Variants in RBFOX1 observed in about 807,000 individuals in gnomAD.
RBFOX1 encodes RNA binding fox-1 homolog 1, also known as RNA binding protein fox-1 homolog 1.
RBFOX1 carries 8 observed loss-of-function variants against 57.7 expected under a neutral mutation model. That is an observed-to-expected ratio of 0.14 (90% CI 0.08 to 0.25). The LOEUF (loss-of-function observed/expected upper bound fraction) is 0.25. Ranked by LOEUF, RBFOX1 falls within the 10% of genes least tolerant of loss-of-function variation. The pLI, the probability that RBFOX1 is intolerant of heterozygous loss-of-function variation, is 1.00. For missense variants in RBFOX1, 611 were observed against 548.5 expected (o/e 1.11, Z -1.14); for synonymous variants, 326 against 222.4 (o/e 1.47, Z -4.15).
intron 2 of RBFOX1, among the ~76,000 whole-genome samples, chr16:6,343,192 A>G (rs1259105898): frequency 6.6e-6 from 1 of 152,186 alleles, no homozygotes; most frequent in Non-Finnish European, 1.5e-5. Flanking sequence ...ATTCGGGGAA[A>G]AATGGCTTTT....
chr16:5,535,100 A>G (rs567963641), intron 2 of RBFOX1, among the ~76,000 whole-genome samples: 73 of 152,362 alleles, frequency 4.8e-4, no homozygotes, highest in Middle Eastern at 6.8e-3. Context: ...GCATTGACCA[A>G]TACAGTAGCT....
chr16:7,354,428 C>T (rs2097179690), intron 4 of RBFOX1, among the ~76,000 whole-genome samples: 1 of 152,098 alleles, frequency 6.6e-6, no homozygotes, highest in Non-Finnish European at 1.5e-5. Flanking sequence ...GGAAATAAAA[C>T]AGAGGTTGGA....
At chr16:7,591,463 G>C (rs1167443276) in intron 7 of RBFOX1, among the ~76,000 whole-genome samples, 4 of 152,058 alleles carry the variant, frequency 2.6e-5, no homozygotes, top group African/African-American at 9.7e-5. Flanking sequence ...AAATACAAAA[G>C]ATGAAAAAAG....
At chr16:6,607,786 C>G (rs942920845) in intron 2 of RBFOX1, among the ~76,000 whole-genome samples, 2 of 152,138 alleles carry the variant, frequency 1.3e-5, no homozygotes, top group African/African-American at 4.8e-5. Flanking sequence ...ACATAGCTCC[C>G]GAATAATGTT....
chr16:7,552,111 C>A lies in RBFOX1; in HGVS notation c.271-27666C>A, dbSNP rs556700464. 9.2e-4 allele frequency among the ~76,000 whole-genome samples: 140 copies of A among 152,284 alleles called. 1 individual carries two copies. The highest frequency in any genetic ancestry group is 3.2e-3 in the African/African-American group (133 of 41,560). ...TCATTTTATCTCATTCTCTCCACCACCCGTTTTTAATTCCCATGTTGGTAC... is the reference window on the plus strand; with the variant it reads ...TCATTTTATCTCATTCTCTCCACCAACCGTTTTTAATTCCCATGTTGGTAC... On this transcript the variant is annotated intron_variant, in intron 5 of 15. Coordinates refer to ENST00000550418, the MANE Select transcript of RBFOX1 (RefSeq NM_018723.4).
rs972909070 is a variant in RBFOX1 at position 6,955,780 on chromosome 16, A to C, written c.-15-96277A>C. Among the ~76,000 whole-genome samples, 7 of 152,124 alleles carry C rather than the reference A, an allele frequency of 4.6e-5. No individual in the cohort carries two copies. The South Asian group carries it at 1.5e-3, about 32-fold the overall frequency. On this transcript the variant is annotated intron_variant, in intron 3 of 15. Transcript: ENST00000550418. ...GTGCAGTGCCGCTATCTTGGGGCTC[A>C]CTGCAACCTCCATTTCCCTGGTTCA...
At chr16:6,719,190 A>C (rs1343523056) in intron 3 of RBFOX1, among the ~76,000 whole-genome samples, 1 of 152,126 alleles carries the variant, frequency 6.6e-6, no homozygotes, top group Non-Finnish European at 1.5e-5. Context: ...ATTTCTATGC[A>C]AAAATGCTAT....
chr16:6,192,975 T>C (rs1469286929), intron 1 of RBFOX1, among the ~76,000 whole-genome samples: 3 of 152,186 alleles, frequency 2.0e-5, no homozygotes, highest in Non-Finnish European at 4.4e-5. Flanking sequence ...TTGGAACTGG[T>C]AGCCTGAAAA....
At chr16:7,128,143 G>A (rs2069111823) in intron 4 of RBFOX1, among the ~76,000 whole-genome samples, 2 of 152,168 alleles carry the variant, frequency 1.3e-5, no homozygotes, top group East Asian at 1.9e-4. Flanking sequence ...AAAAGCAAAT[G>A]TCTCCTTCCT....
intron 3 of RBFOX1, among the ~76,000 whole-genome samples, chr16:7,020,143 C>G (rs1568398562): frequency 6.6e-6 from 1 of 152,090 alleles, no homozygotes; most frequent in Non-Finnish European, 1.5e-5. Context: ...GTGCGGCGTA[C>G]CCGGGGACTC....
At chr16:5,664,532 C>G (rs762485228) in intron 3 of RBFOX1, among the ~76,000 whole-genome samples, 1 of 151,874 alleles carries the variant, frequency 6.6e-6, no homozygotes, top group African/African-American at 2.4e-5. Context: ...AGTGACAGAG[C>G]GAGACTCCTT....
intron 2 of RBFOX1, among the ~76,000 whole-genome samples, chr16:5,497,622 C>CAAAAAAAAAAAAAAAAAAAAAA (rs911723996): frequency 4.1e-4 from 22 of 53,400 alleles, no homozygotes; most frequent in Middle Eastern, 0.011. Context: ...ACTAAAAATA[C>CAAAAAAAAAAAAAAAAAAAAAA]AAAAAAAAAA....
At chr16:6,132,974 A>AAAGAG (rs2096640260) in intron 1 of RBFOX1, among the ~76,000 whole-genome samples, 1 of 148,028 alleles carries the variant, frequency 6.8e-6, no homozygotes, top group South Asian at 2.1e-4. Context: ...CAAAAAAAAA[A>AAAGAG]AAAAGAAAAG....
intron 2 of RBFOX1, among the ~76,000 whole-genome samples, chr16:6,420,718 G>C (rs991989932): frequency 1.3e-5 from 2 of 152,190 alleles, no homozygotes; most frequent in Non-Finnish European, 2.9e-5. Context: ...CCATTCACTT[G>C]TACAATTGAC....
intron 4 of RBFOX1, among the ~76,000 whole-genome samples, chr16:7,430,985 A>T (rs1278324540): frequency 6.6e-6 from 1 of 152,178 alleles, no homozygotes; most frequent in African/African-American, 2.4e-5. Context: ...ACTTGAATCT[A>T]TGTTGTATGG....
At chr16:7,668,333 A>C (rs2070126613) in intron 13 of RBFOX1, among the ~76,000 whole-genome samples, 1 of 152,218 alleles carries the variant, frequency 6.6e-6, no homozygotes, top group Non-Finnish European at 1.5e-5. Flanking sequence ...TCCTTCTGAA[A>C]GTTTTCAGAG....
chr16:5,619,846 G>A (rs533050818), intron 3 of RBFOX1, among the ~76,000 whole-genome samples: 1 of 152,214 alleles, frequency 6.6e-6, no homozygotes, highest in East Asian at 1.9e-4. Flanking sequence ...GGTCCCCTGG[G>A]GACATGGGGG....
intron 1 of RBFOX1, among the ~76,000 whole-genome samples, chr16:5,284,355 C>CA (rs2063340542): frequency 6.6e-6 from 1 of 152,078 alleles, no homozygotes; most frequent in African/African-American, 2.4e-5. Flanking sequence ...TTAGCGGTGA[C>CA]ATTTGAATCC....
At chr16:7,428,490 C>G (rs1389223755) in intron 4 of RBFOX1, among the ~76,000 whole-genome samples, 3 of 119,388 alleles carry the variant, frequency 2.5e-5, no homozygotes, top group African/African-American at 6.3e-5. Context: ...CCACTCCTGG[C>G]TATTTTATTA....
Sources: gnomAD v4.1 joint callset for allele counts (sites outside exome capture counted in the v4.1 genomes callset) on GRCh38, gnomAD v4.1.1 for gene constraint, MANE v1.5 for transcripts, NCBI Gene and HGNC (gene_info 2026-07-23, HGNC 2026-07-21) for gene names.